Variants in DYSF observed in about 807,000 individuals in gnomAD.
The protein encoded by DYSF is dystrophy-associated fer-1-like 1.
Under a neutral mutation model 274.9 loss-of-function variants are expected in DYSF, and 212 were observed. That is an observed-to-expected ratio of 0.77 (90% CI 0.69 to 0.86). The LOEUF (loss-of-function observed/expected upper bound fraction) is 0.86. DYSF is among the 40% of genes least tolerant of loss of function. The pLI is 0.00. For missense variants in DYSF, 2,666 were observed against 2,783.2 expected (o/e 0.96, Z 0.95); for synonymous variants, 1,091 against 1,078.7 (o/e 1.01, Z -0.22).
chr2:71,476,365 A>G (rs1434615041), intron 1 of DYSF, among the ~76,000 whole-genome samples: 5 of 152,072 alleles, frequency 3.3e-5, no homozygotes, highest in African/African-American at 1.2e-4. Context: ...CAGCCTGGCC[A>G]ACATGGTCAG....
intron 32 of DYSF, among the ~76,000 whole-genome samples, chr2:71,590,825 C>T (rs2093242221): frequency 6.6e-6 from 1 of 152,162 alleles, no homozygotes; most frequent in South Asian, 2.1e-4. Context: ...CTCAGTCACC[C>T]AGTCCTGAGG....
Position 71,598,585 on chromosome 2 carries a change from TC to T in DYSF, c.3598del (p.Leu1200CysfsTer10), listed in dbSNP as rs753624807. 6.2e-7 allele frequency: 1 copy of T among 1,614,168 alleles called. No homozygotes were observed. The highest frequency in any genetic ancestry group is 1.7e-5 in the Admixed American group (1 of 60,016). On this transcript the variant is annotated frameshift_variant, in exon 33 of 56. Transcript: ENST00000410020. LOFTEE classifies it high-confidence loss of function. ...GCAGATCCCTATGCCATCGTCTCCT[TC>T]CTGCACCAGAGCCAGAAGACGGTGG... Reference protein sequence around the residue: ...SFSDPYAIVSFLHQSQKTVVV... With the variant: ...SFSDPYAIVSXLHQSQKTVVV...
intron 8 of DYSF, 96 bp downstream of exon 8, chr2:71,515,847 G>A (rs905943095): frequency 9.7e-6 from 15 of 1,552,498 alleles, no homozygotes; most frequent in Admixed American, 3.7e-5. Flanking sequence ...GAGTGTTTAC[G>A]TATGGCGCTG....
intron 14 of DYSF, among the ~76,000 whole-genome samples, chr2:71,531,658 A>G (rs1313551402): frequency 1.3e-5 from 2 of 151,066 alleles, no homozygotes; most frequent in Non-Finnish European, 3.0e-5. Flanking sequence ...TGTTTTTCAC[A>G]TTTTTGTGCC....
intron 50 of DYSF, 87 bp from the exon 51 acceptor site, chr2:71,669,518 T>C: frequency 6.5e-7 from 1 of 1,544,240 alleles, no homozygotes; most frequent in Non-Finnish European, 9.0e-7. Flanking sequence ...ATTTACCTTC[T>C]TAACTCCTTG....
intron 29 of DYSF, among the ~76,000 whole-genome samples, chr2:71,573,238 G>T (rs2092584822): frequency 6.6e-6 from 1 of 152,196 alleles, no homozygotes; most frequent in Non-Finnish European, 1.5e-5. Context: ...AGCTGTTCCT[G>T]GTGCTGTGAA....
At chr2:71,550,640 T>C (rs1395375706) in intron 17 of DYSF, among the ~76,000 whole-genome samples, 1 of 151,936 alleles carries the variant, frequency 6.6e-6, no homozygotes, top group African/African-American at 2.4e-5. Flanking sequence ...CAGGACATGC[T>C]GGGGGTGGGG....
At chr2:71,679,859 C>G (rs562194459) in intron 53 of DYSF, among the ~76,000 whole-genome samples, 5 of 151,996 alleles carry the variant, frequency 3.3e-5, no homozygotes, top group Non-Finnish European at 7.4e-5. Context: ...ATAGCTAATT[C>G]ACAAAATAAT....
At chr2:71,594,763 C>A (rs1421736398) in intron 32 of DYSF, among the ~76,000 whole-genome samples, 1 of 152,210 alleles carries the variant, frequency 6.6e-6, no homozygotes, top group Admixed American at 6.5e-5. Context: ...GCACGGCCTA[C>A]CTCCTCATCC....
intron 5 of DYSF, 144 bp downstream of exon 5, chr2:71,512,065 G>A (rs2086155640): frequency 1.4e-6 from 1 of 699,558 alleles, no homozygotes; most frequent in Non-Finnish European, 2.6e-6. Context: ...GGAAAGAAGA[G>A]GGTGCAGTGG....
chr2:71,552,879 C>T, intron 19 of DYSF, 132 bp from the exon 20 acceptor site: 2 of 873,062 alleles, frequency 2.3e-6, no homozygotes, highest in Non-Finnish European at 1.9e-6. Context: ...GGGCTACTTG[C>T]CACCCGTCAG....
chr2:71,534,910 C>A (rs2152760825), intron 14 of DYSF, 111 bp from the exon 15 acceptor site: 1 of 1,175,940 alleles, frequency 8.5e-7, no homozygotes, highest in East Asian at 2.4e-5. Flanking sequence ...TACACCCAGC[C>A]CTAAGGGCAG....
At chr2:71,682,460 T>G in intron 54 of DYSF, 70 bp from the exon 55 acceptor site, 2 of 1,605,904 alleles carry the variant, frequency 1.2e-6, no homozygotes, top group Non-Finnish European at 1.7e-6. Flanking sequence ...GACCTGCTGT[T>G]GAGAGAAGAG....
chr2:71,469,155 G>A lies in DYSF; in HGVS notation c.91+2222G>A, dbSNP rs370961005. 2.6e-5 allele frequency among the ~76,000 whole-genome samples: 4 copies of A among 152,334 alleles called. No individual in the cohort carries two copies. In the East Asian group the frequency reaches 7.7e-4, roughly 29 times the overall value. ...ACCGCATCTTGGGAAAAATGGGTCT[G>A]AGATGTGATGGCAGGTGAAATTAAT... On this transcript the variant is annotated intron_variant, in intron 1 of 55. Coordinates refer to ENST00000410020, the MANE Select transcript of DYSF (RefSeq NM_001130987.2).
chr2:71,669,476 G>T, intron 50 of DYSF, 129 bp from the exon 51 acceptor site: 7 of 1,224,978 alleles, frequency 5.7e-6, no homozygotes, highest in Non-Finnish European at 8.3e-6. Context: ...ACATCGTGCC[G>T]ATTTCCTGGG....
rs201471385 is a variant in DYSF, at chr2:71,658,838, A to G, written c.4756-40A>G. On this transcript the variant is annotated intron_variant, in intron 43 of 55. Coordinates refer to ENST00000410020, the MANE Select transcript of DYSF (RefSeq NM_001130987.2). ...GGGACACAGCCAAACCATATCAACA[A>G]TGATGATAAAAATGAAAATTAACCC... 8.7e-6 allele frequency: 14 copies of G among 1,612,544 alleles called. No individual in the cohort carries two copies. The Admixed American group carries it at 1.3e-4, about 15-fold the overall frequency.
chr2:71,602,454 T>A (rs2093569463), intron 35 of DYSF, among the ~76,000 whole-genome samples: 1 of 152,158 alleles, frequency 6.6e-6, no homozygotes, highest in Admixed American at 6.5e-5. Context: ...GCCCTTCCCA[T>A]CACCTGCTGC....
At chr2:71,622,720 A>G (rs946092257) in intron 41 of DYSF, among the ~76,000 whole-genome samples, 5 of 152,016 alleles carry the variant, frequency 3.3e-5, no homozygotes, top group Non-Finnish European at 5.9e-5. Flanking sequence ...GGTTCAAGCA[A>G]TTCTCTTGCC....
intron 17 of DYSF, among the ~76,000 whole-genome samples, chr2:71,544,663 G>A (rs917778692): frequency 1.3e-5 from 2 of 151,992 alleles, no homozygotes; most frequent in Non-Finnish European, 1.5e-5. Flanking sequence ...GTTTCACCAT[G>A]TGGGCCAGGC....
Sources: allele counts gnomAD v4.1 joint callset (sites outside exome capture counted in the v4.1 genomes callset), GRCh38; gene constraint gnomAD v4.1.1; transcripts MANE v1.5; gene names NCBI Gene and HGNC (gene_info 2026-07-23, HGNC 2026-07-21).